Variants in HIPK2 observed in about 807,000 individuals in gnomAD.
The protein encoded by HIPK2 is homeodomain interacting protein kinase 2.
Under a neutral mutation model 113.7 loss-of-function variants are expected in HIPK2, and 27 were observed. That is an observed-to-expected ratio of 0.24 (90% CI 0.17 to 0.33). The LOEUF (loss-of-function observed/expected upper bound fraction) is 0.33. Among genes scored for constraint, HIPK2 ranks in the 10% least tolerant of loss-of-function variants. The pLI is 1.00. For missense variants in HIPK2, 1,257 were observed against 1,588.0 expected, an observed-to-expected ratio of 0.79 and a Z score of 3.54; for synonymous variants, 631 against 642.2, an observed-to-expected ratio of 0.98 and a Z score of 0.26.
chr7:139,707,368 C>T (rs887850525), intron 2 of HIPK2, among the ~76,000 whole-genome samples: 24 of 152,254 alleles, frequency 1.6e-4, no homozygotes, highest in African/African-American at 5.8e-4. Flanking sequence ...GCTTCAATCA[C>T]CCTCCGTAAG....
At chr7:139,719,781 C>T (rs929521157) in intron 1 of HIPK2, among the ~76,000 whole-genome samples, 4 of 152,194 alleles carry the variant, frequency 2.6e-5, no homozygotes, top group Non-Finnish European at 5.9e-5. Context: ...CTCTTGCATC[C>T]AATTCTTTAT....
chr7:139,635,003 A>C (rs1474557677), intron 2 of HIPK2, among the ~76,000 whole-genome samples: 1 of 152,170 alleles, frequency 6.6e-6, no homozygotes, highest in Non-Finnish European at 1.5e-5. Context: ...ATCTGAAAAG[A>C]ACACTACCAA....
intron 12 of HIPK2, 170 bp from the exon 13 acceptor site, chr7:139,584,234 T>C: frequency 2.7e-6 from 1 of 372,524 alleles, no homozygotes; most frequent in Non-Finnish European, 3.7e-6. Context: ...AAGTCCCCTG[T>C]GTAGCCGGCA....
At chr7:139,689,556 C>T (rs527258268) in intron 2 of HIPK2, among the ~76,000 whole-genome samples, 5,421 of 152,138 alleles carry the variant, frequency 0.036, 328 homozygotes, top group African/African-American at 0.12. Flanking sequence ...TCTCAGTTAC[C>T]TTATGTCTGT....
At chr7:139,700,346 C>T (rs1446271785) in intron 2 of HIPK2, among the ~76,000 whole-genome samples, 5 of 152,166 alleles carry the variant, frequency 3.3e-5, no homozygotes, top group African/African-American at 4.8e-5. Context: ...CCTGAGGCCA[C>T]GCACTGACCA....
At chr7:139,777,566 G>A in intron 1 of HIPK2, 39 bp downstream of exon 1, 1 of 973,744 alleles carries the variant, frequency 1.0e-6, no homozygotes, top group Non-Finnish European at 1.2e-6. Context: ...GCCGCGGAGG[G>A]CGGCGGGCGC....
chr7:139,673,645 T>C (rs1368324923), intron 2 of HIPK2, among the ~76,000 whole-genome samples: 2 of 152,092 alleles, frequency 1.3e-5, no homozygotes, highest in Non-Finnish European at 2.9e-5. Flanking sequence ...CTGTTTCATG[T>C]GGGGTCTTCC....
intron 1 of HIPK2, among the ~76,000 whole-genome samples, chr7:139,737,605 C>T (rs188476904): frequency 6.6e-6 from 1 of 152,196 alleles, no homozygotes; most frequent in Non-Finnish European, 1.5e-5. Context: ...AAGGGCCCTG[C>T]ACATCCGGCC....
At chr7:139,703,497 G>C (rs1229785265) in intron 2 of HIPK2, among the ~76,000 whole-genome samples, 2 of 152,000 alleles carry the variant, frequency 1.3e-5, no homozygotes, top group Admixed American at 1.3e-4. Flanking sequence ...CCAACAGTTT[G>C]TCCCTCATGT....
chr7:139,632,771 G>GT (rs1190665432), intron 2 of HIPK2, among the ~76,000 whole-genome samples: 3 of 152,006 alleles, frequency 2.0e-5, no homozygotes, highest in South Asian at 2.1e-4. Flanking sequence ...CACAGCTTAT[G>GT]TTTTTTTAAA....
chr7:139,777,660 C>T lies in HIPK2; in HGVS notation c.-37G>A, dbSNP rs1458295869. ...TGTCCGCGGTTCATGGCAACGGGGA[C>T]GGGAAAGCGGCGCGCGAGCTCGGCC... On this transcript the variant is annotated 5_prime_UTR_variant, in exon 1 of 15. Coordinates refer to ENST00000406875, the MANE Select transcript of HIPK2 (RefSeq NM_022740.5). The T allele has an allele frequency of 5.6e-6, 6 of 1,077,962 alleles. No homozygotes were observed. The highest frequency in any genetic ancestry group is 2.6e-4 in the Middle Eastern group (1 of 3,906). 66.8% of individuals were successfully genotyped at this position (1,077,962 alleles called of 1,614,324 possible).
Position 139,571,385 on chromosome 7 carries a change from C to G in HIPK2, c.*1542G>C, listed in dbSNP as rs1332944378. Reference sequence around the variant, plus strand: ...CTGGCGAGGCCAACAGTCCGGAAACCTCTGGCCTCACAAATGGCGGAACTG... The same window carrying G: ...CTGGCGAGGCCAACAGTCCGGAAACGTCTGGCCTCACAAATGGCGGAACTG... On this transcript the variant is annotated 3_prime_UTR_variant, in exon 15 of 15. Transcript: ENST00000406875. 1 of 152,346 alleles carries G rather than the reference C, an allele frequency of 6.6e-6. No individual in the cohort carries two copies. The highest frequency in any genetic ancestry group is 1.5e-5 in the Non-Finnish European group (1 of 68,138). The allele number at this position is 152,346 out of a possible 1,614,324, so 9.4% of individuals were successfully genotyped here.
chr7:139,731,577 CT>C (rs2117032576), intron 1 of HIPK2, among the ~76,000 whole-genome samples: 1 of 152,298 alleles, frequency 6.6e-6, no homozygotes, highest in Admixed American at 6.5e-5. Flanking sequence ...AGTGCAACAC[CT>C]GTTTGCACAC....
rs138238912 is a variant in HIPK2 at position 139,589,423 on chromosome 7, A to C, written c.2718-5359T>G. On this transcript the variant is annotated intron_variant, in intron 12 of 14. Coordinates refer to ENST00000406875, the MANE Select transcript of HIPK2 (RefSeq NM_022740.5). Reference sequence around the variant, plus strand: ...AGCATTTAAAAAAAAAAAAAACAACAAAAAGACAAAAACACACACTAATTT... The same window carrying C: ...AGCATTTAAAAAAAAAAAAAACAACCAAAAGACAAAAACACACACTAATTT... Among the ~76,000 whole-genome samples, 749 of 152,158 alleles carry C rather than the reference A, an allele frequency of 4.9e-3. 7 individuals are homozygous for C. The highest frequency in any genetic ancestry group is 0.017 in the African/African-American group (701 of 41,530).
rs1305093333 is a variant in HIPK2, at chr7:139,683,623, C to T, written c.1103+32309G>A. 6.6e-6 allele frequency among the ~76,000 whole-genome samples: 1 copy of T among 152,120 alleles called. No individual in the cohort carries two copies. The highest frequency in any genetic ancestry group is 1.5e-5 in the Non-Finnish European group (1 of 68,012). ...TCACACAGACCAATCCTGGTGAATA[C>T]CAGGAGGTGAGGGTCATTAGGGGCC... On this transcript the variant is annotated intron_variant, in intron 2 of 14. Transcript: ENST00000406875. This position sits in a 1 kb window ranked among gnomAD's most constrained non-coding sequence, Gnocchi z 4.2.
rs35105635 is a variant in HIPK2, at chr7:139,575,165, G to A, written c.3089C>T (p.Pro1030Leu). 8.6e-4 allele frequency: 1,370 copies of A among 1,594,068 alleles called. 15 individuals are homozygous for A. The African/African-American group carries it at 0.016, about 19-fold the overall frequency. The change falls in exon 14 of 15, where the codon CCC (proline) becomes CTC (leucine). Residue 1030 changes from proline (P) to leucine (L), a missense_variant. Coordinates refer to ENST00000406875, the MANE Select transcript of HIPK2 (RefSeq NM_022740.5). Reference sequence around the variant, plus strand: ...GAGTGGCTGCTGCTGCTGGAAGTGGGGGCCCGGCCGCTGCTGCCGGTAGGT... The same window carrying A: ...GAGTGGCTGCTGCTGCTGGAAGTGGAGGCCCGGCCGCTGCTGCCGGTAGGT... ...AITYRQQRPG[P>L]HFQQQQPLNL... is the part of the protein sequence containing the mutation.
At chr7:139,741,003 C>T (rs531307924) in intron 1 of HIPK2, among the ~76,000 whole-genome samples, 6 of 152,226 alleles carry the variant, frequency 3.9e-5, no homozygotes, top group Middle Eastern at 3.4e-3. Context: ...GAAAATTAGC[C>T]GGACATGGTG....
chr7:139,729,855 T>A (rs1795718812), intron 1 of HIPK2, among the ~76,000 whole-genome samples: 1 of 151,692 alleles, frequency 6.6e-6, no homozygotes, highest in South Asian at 2.1e-4. Context: ...TTTTCAGGTG[T>A]TTGAATCACA....
chr7:139,688,061 C>A (rs527888523), intron 2 of HIPK2, among the ~76,000 whole-genome samples: 1 of 152,118 alleles, frequency 6.6e-6, no homozygotes, highest in East Asian at 1.9e-4. Flanking sequence ...ACACAGGCAG[C>A]CCATTGGGCC....
Sources: gnomAD v4.1 joint callset for allele counts (sites outside exome capture counted in the v4.1 genomes callset) on GRCh38, gnomAD v4.1.1 for gene constraint, Gnocchi (gnomAD v3.1) non-coding constraint, MANE v1.5 for transcripts, NCBI Gene and HGNC (gene_info 2026-07-23, HGNC 2026-07-21) for gene names.